Variants in FGGY observed in about 807,000 individuals in gnomAD.
FGGY encodes FGGY carbohydrate kinase domain containing.
FGGY carries 72 observed loss-of-function variants against 71.3 expected under a neutral mutation model. The observed-to-expected ratio is 1.01, with a 90% CI of 0.84 to 1.23. The LOEUF (loss-of-function observed/expected upper bound fraction) is 1.23. Among genes scored for constraint, FGGY ranks in the 50% most tolerant of loss-of-function variants. The probability of loss-of-function intolerance (pLI) is 0.00; values close to 1 mark genes in which losing one functional copy is unlikely to be tolerated. For synonymous variants in FGGY, 251 were observed against 250.3 expected (o/e 1.00, Z -0.02); for missense variants, 668 against 682.3 (o/e 0.98, Z 0.23).
At chr1:59,488,405 T>G (rs2093719358) in intron 6 of FGGY, among the ~76,000 whole-genome samples, 1 of 151,404 alleles carries the variant, frequency 6.6e-6, no homozygotes, top group African/African-American at 2.4e-5. Flanking sequence ...ACTTAGAAAA[T>G]ACATAAAAGT....
At chr1:59,310,278 G>C (rs2044080432) in intron 1 of FGGY, 1 of 152,168 alleles carries the variant, frequency 6.6e-6, no homozygotes, top group East Asian at 1.9e-4. Flanking sequence ...TGAAGGTCTT[G>C]TTCTGTAGAA....
chr1:59,671,281 G>A (rs1338583157), intron 13 of FGGY, among the ~76,000 whole-genome samples: 3 of 152,226 alleles, frequency 2.0e-5, no homozygotes, highest in Non-Finnish European at 4.4e-5. Context: ...TTAACCGGAG[G>A]GAAGTTGAAT....
chr1:59,505,615 C>T (rs551618972), intron 6 of FGGY, among the ~76,000 whole-genome samples: 4 of 152,296 alleles, frequency 2.6e-5, no homozygotes, highest in African/African-American at 9.6e-5. Flanking sequence ...ACCAACTCTC[C>T]TCCTGGGTTT....
intron 14 of FGGY, among the ~76,000 whole-genome samples, chr1:59,730,349 A>C (rs1346904240): frequency 6.7e-6 from 1 of 149,306 alleles, no homozygotes. Context: ...TAAATGACTT[A>C]GACAGTTTTT....
intron 7 of FGGY, among the ~76,000 whole-genome samples, chr1:59,546,523 G>GATTATTATTATT (rs1479582691): frequency 7.3e-4 from 54 of 74,398 alleles, no homozygotes; most frequent in Admixed American, 1.0e-3. Flanking sequence ...TGATGATGAT[G>GATTATTATTATT]ATGATGATGA....
At chr1:59,729,876 T>C (rs760435199) in intron 14 of FGGY, among the ~76,000 whole-genome samples, 6 of 152,164 alleles carry the variant, frequency 3.9e-5, no homozygotes, top group African/African-American at 9.6e-5. Flanking sequence ...CTGTGTGCAA[T>C]AGGCTTTTGT....
intron 6 of FGGY, among the ~76,000 whole-genome samples, chr1:59,492,872 A>G (rs956441857): frequency 6.6e-6 from 1 of 152,118 alleles, no homozygotes; most frequent in Admixed American, 6.6e-5. Context: ...TTGGGGTTCT[A>G]TAAGGCAAAT....
intron 5 of FGGY, among the ~76,000 whole-genome samples, chr1:59,394,140 A>G (rs1557782739): frequency 6.6e-6 from 1 of 152,214 alleles, no homozygotes; most frequent in Non-Finnish European, 1.5e-5. Context: ...GAGTGCCAAT[A>G]ATGGGCCTAG....
rs115168670 is a variant in FGGY, at chr1:59,683,332, A to C, written c.1512+9199A>C. 4.3e-3 allele frequency among the ~76,000 whole-genome samples: 658 copies of C among 152,338 alleles called. 2 individuals carry two copies. The highest frequency in any genetic ancestry group is 0.015 in the African/African-American group (627 of 41,582). On this transcript the variant is annotated intron_variant, in intron 14 of 15. Transcript: ENST00000303721. The stretch of plus-strand genomic sequence containing the variant: ...AAAGTCCATGCCCCTCACTGTTTGT[A>C]GGCTATCCCAGGACTGTGCTTAAAA...
chr1:59,612,268 A>G (rs370259715), intron 9 of FGGY, among the ~76,000 whole-genome samples: 2 of 152,340 alleles, frequency 1.3e-5, no homozygotes, highest in East Asian at 1.9e-4. Flanking sequence ...TACCCACAAA[A>G]GGAAGCCCAT....
At chr1:59,394,274 A>G (rs2061049023) in intron 5 of FGGY, among the ~76,000 whole-genome samples, 1 of 152,238 alleles carries the variant, frequency 6.6e-6, no homozygotes, top group South Asian at 2.1e-4. Context: ...GTAAATAAAT[A>G]TCACTATTGT....
intron 8 of FGGY, among the ~76,000 whole-genome samples, chr1:59,585,476 G>C (rs2096269268): frequency 6.6e-6 from 1 of 152,132 alleles, no homozygotes; most frequent in Non-Finnish European, 1.5e-5. Context: ...TATGGAGAAA[G>C]CTGAAACTGG....
chr1:59,380,247 A>G (rs1333859556), intron 5 of FGGY, among the ~76,000 whole-genome samples: 1 of 151,616 alleles, frequency 6.6e-6, no homozygotes, highest in Non-Finnish European at 1.5e-5. Context: ...ATAGTGCCAC[A>G]ATAAACATAC....
intron 15 of FGGY, 56 bp downstream of exon 15, chr1:59,758,048 A>G (rs1414807884): frequency 8.4e-7 from 1 of 1,190,732 alleles, no homozygotes; most frequent in Non-Finnish European, 1.2e-6. Context: ...ATACACACAC[A>G]CATGCAACTA....
intron 4 of FGGY, among the ~76,000 whole-genome samples, chr1:59,348,286 G>A (rs990387123): frequency 6.6e-6 from 1 of 152,064 alleles, no homozygotes; most frequent in Non-Finnish European, 1.5e-5. Flanking sequence ...TACACTTTTA[G>A]CCCCAACTTA....
chr1:59,536,880 A>G (rs2095330534), intron 7 of FGGY, among the ~76,000 whole-genome samples: 1 of 152,108 alleles, frequency 6.6e-6, no homozygotes, highest in African/African-American at 2.4e-5. Flanking sequence ...ACAAACCCAC[A>G]GCCAATATCA....
intron 12 of FGGY, among the ~76,000 whole-genome samples, chr1:59,663,464 CA>C: frequency 6.6e-6 from 1 of 152,174 alleles, no homozygotes; most frequent in East Asian, 1.9e-4. Flanking sequence ...AGTACTGCAG[CA>C]GAAGTCCAGA....
At chr1:59,591,605 A>C (rs1303576404) in intron 8 of FGGY, among the ~76,000 whole-genome samples, 2 of 152,236 alleles carry the variant, frequency 1.3e-5, no homozygotes, top group African/African-American at 4.8e-5. Flanking sequence ...AGACCAATGT[A>C]ACAGGACAGA....
At chr1:59,533,920 G>A (rs2153669236) in intron 7 of FGGY, among the ~76,000 whole-genome samples, 1 of 152,352 alleles carries the variant, frequency 6.6e-6, no homozygotes, top group South Asian at 2.1e-4. Context: ...GAAACGCAGA[G>A]CGCCTCTCCT....
Sources: gnomAD v4.1 joint callset for allele counts (sites outside exome capture counted in the v4.1 genomes callset) on GRCh38, gnomAD v4.1.1 for gene constraint, MANE v1.5 for transcripts, NCBI Gene and HGNC (gene_info 2026-07-23, HGNC 2026-07-21) for gene names.